Variants in AUTS2 observed in about 807,000 individuals in gnomAD.
AUTS2 encodes the protein activator of transcription and developmental regulator AUTS2, also known as autism susceptibility gene 2 protein.
In AUTS2, 17 loss-of-function variants were observed where a neutral mutation model predicts 112.4. The ratio of observed to expected loss-of-function variants is 0.15; its 90% confidence interval spans 0.10 to 0.23. The LOEUF is 0.23. AUTS2 is among the 10% of genes least tolerant of loss of function. The pLI, the probability that AUTS2 is intolerant of heterozygous loss-of-function variation, is 1.00. For synonymous variants in AUTS2, 751 were observed against 702.7 expected, an observed-to-expected ratio of 1.07 and a Z score of -1.09; for missense variants, 1,510 against 1,701.6, an observed-to-expected ratio of 0.89 and a Z score of 1.98.
intron 4 of AUTS2, among the ~76,000 whole-genome samples, chr7:70,351,697 C>A (rs76668009): frequency 2.6e-5 from 4 of 151,946 alleles, no homozygotes; most frequent in Non-Finnish European, 5.9e-5. Flanking sequence ...TTTTCTTTTT[C>A]TTTTTTCTTT....
At chr7:69,919,207 T>A (rs1795709840) in intron 2 of AUTS2, among the ~76,000 whole-genome samples, 1 of 152,182 alleles carries the variant, frequency 6.6e-6, no homozygotes, top group South Asian at 2.1e-4. Context: ...CTTCTACACT[T>A]TTTTCCTCTT....
intron 1 of AUTS2, among the ~76,000 whole-genome samples, chr7:69,733,962 T>C (rs1329244192): frequency 6.6e-6 from 1 of 152,214 alleles, no homozygotes; most frequent in Non-Finnish European, 1.5e-5. Flanking sequence ...ATGAGACTTA[T>C]TCAACCTCTT....
chr7:69,940,896 A>G (rs1480037536), intron 2 of AUTS2, among the ~76,000 whole-genome samples: 1 of 152,190 alleles, frequency 6.6e-6, no homozygotes, highest in Non-Finnish European at 1.5e-5. Context: ...GCCTATGTTA[A>G]CAGTCAGAAG....
At chr7:70,360,450 T>G (rs994276002) in intron 4 of AUTS2, among the ~76,000 whole-genome samples, 2 of 152,150 alleles carry the variant, frequency 1.3e-5, no homozygotes, top group Admixed American at 1.3e-4. Flanking sequence ...TAAGCAAGTA[T>G]CTTTAAATGG....
intron 5 of AUTS2, among the ~76,000 whole-genome samples, chr7:70,496,174 C>G (rs1798486528): frequency 1.5e-5 from 2 of 136,396 alleles, no homozygotes; most frequent in South Asian, 2.5e-4. Context: ...CACAGTCACA[C>G]ACACACACAC....
chr7:70,644,419 C>T (rs974207975), intron 5 of AUTS2, among the ~76,000 whole-genome samples: 5 of 152,148 alleles, frequency 3.3e-5, no homozygotes, highest in Admixed American at 1.3e-4. Context: ...TCCTAAAACA[C>T]AGTCCCGACT....
chr7:69,905,026 A>G (rs1451242852), intron 2 of AUTS2, among the ~76,000 whole-genome samples: 1 of 152,190 alleles, frequency 6.6e-6, no homozygotes, highest in Non-Finnish European at 1.5e-5. Context: ...TAAACCTGAC[A>G]CTAATATAAT....
chr7:70,516,920 GA>G (rs1360635337), intron 5 of AUTS2, among the ~76,000 whole-genome samples: 5 of 150,542 alleles, frequency 3.3e-5, no homozygotes, highest in Non-Finnish European at 7.4e-5. Flanking sequence ...TGGTTACAAT[GA>G]AAAAAAAATG....
chr7:70,353,827 G>C (rs554283827), intron 4 of AUTS2, among the ~76,000 whole-genome samples: 1 of 152,196 alleles, frequency 6.6e-6, no homozygotes, highest in Non-Finnish European at 1.5e-5. Context: ...GAAGATGTTT[G>C]CTTGTACCTA....
intron 1 of AUTS2, among the ~76,000 whole-genome samples, chr7:69,646,324 CTG>C (rs1223029956): frequency 6.6e-6 from 1 of 152,128 alleles, no homozygotes; most frequent in African/African-American, 2.4e-5. Flanking sequence ...ATTTTCAAGT[CTG>C]TAAGTGCTTT....
chr7:70,434,227 G>A (rs1293372611), intron 4 of AUTS2, among the ~76,000 whole-genome samples: 1 of 152,150 alleles, frequency 6.6e-6, no homozygotes, highest in East Asian at 1.9e-4. Flanking sequence ...TCAAATAAGC[G>A]ATTACAATGC....
intron 5 of AUTS2, among the ~76,000 whole-genome samples, chr7:70,503,987 A>G (rs1798868539): frequency 6.6e-6 from 1 of 151,772 alleles, no homozygotes; most frequent in East Asian, 1.9e-4. Flanking sequence ...ACTACTTGGC[A>G]ATGAATTTGT....
intron 4 of AUTS2, among the ~76,000 whole-genome samples, chr7:70,325,592 TAA>T (rs1379273608): frequency 6.6e-6 from 1 of 152,180 alleles, no homozygotes; most frequent in Non-Finnish European, 1.5e-5. Context: ...GAAGGTAGAA[TAA>T]AAAGATATTT....
In AUTS2 at chr7:70,118,121, T is replaced by C; in HGVS notation, c.523-11T>C. On this transcript the variant is annotated splice_polypyrimidine_tract_variant and intron_variant, in intron 2 of 18. Coordinates refer to ENST00000342771, the MANE Select transcript of AUTS2 (RefSeq NM_015570.4). The stretch of plus-strand genomic sequence containing the variant: ...AACTTTTTCCTTTTTTCTCTTTTCT[T>C]TTGCCTTTAGCTCAAGCCAGGACAG... 1 of 1,577,394 alleles carries C rather than the reference T, an allele frequency of 6.3e-7. No homozygotes were observed. The highest frequency in any genetic ancestry group is 8.6e-7 in the Non-Finnish European group (1 of 1,168,930).
At chr7:70,788,167 A>T (rs1240413777) in intron 18 of AUTS2, among the ~76,000 whole-genome samples, 1 of 151,972 alleles carries the variant, frequency 6.6e-6, no homozygotes, top group Non-Finnish European at 1.5e-5. Context: ...ATTTATTTTC[A>T]CTTTAAATGA....
chr7:69,858,081 C>T (rs1256837158), intron 1 of AUTS2, among the ~76,000 whole-genome samples: 1 of 152,190 alleles, frequency 6.6e-6, no homozygotes, highest in Non-Finnish European at 1.5e-5. Context: ...GTCTGTTCTC[C>T]AGACCCCCTA....
chr7:70,668,053 C>T (rs1365769510), intron 5 of AUTS2, among the ~76,000 whole-genome samples: 1 of 152,224 alleles, frequency 6.6e-6, no homozygotes, highest in Admixed American at 6.5e-5. Flanking sequence ...AATCTCAGCT[C>T]ACTGCAGCCT....
At chr7:69,910,514 T>G (rs537660674) in intron 2 of AUTS2, among the ~76,000 whole-genome samples, 1 of 152,344 alleles carries the variant, frequency 6.6e-6, no homozygotes, top group Non-Finnish European at 1.5e-5. Context: ...TCCACATGGC[T>G]GGGGAGGCCT....
At chr7:70,674,254 C>A (rs1807797329) in intron 5 of AUTS2, among the ~76,000 whole-genome samples, 1 of 152,206 alleles carries the variant, frequency 6.6e-6, no homozygotes, top group South Asian at 2.1e-4. Flanking sequence ...CCTTCATATT[C>A]ACAAATGTTC....
Sources: allele counts gnomAD v4.1 joint callset (sites outside exome capture counted in the v4.1 genomes callset), GRCh38; gene constraint gnomAD v4.1.1; transcripts MANE v1.5; gene names NCBI Gene and HGNC (gene_info 2026-07-23, HGNC 2026-07-21).